The following FARS2 variants were observed in gnomAD, a reference collection of about 807,000 sequenced individuals.
FARS2 encodes phenylalanyl-tRNA synthetase 2, mitochondrial.
In FARS2, 40 loss-of-function variants were observed where a neutral mutation model predicts 46.4. That is an observed-to-expected ratio of 0.86 (90% CI 0.67 to 1.12). The LOEUF is 1.12. Ranked by LOEUF, FARS2 falls within the 50% of genes most tolerant of loss-of-function variation. The pLI is 0.00. For missense variants in FARS2, 513 were observed against 567.9 expected (o/e 0.90, Z 0.98); for synonymous variants, 234 against 214.9 (o/e 1.09, Z -0.78).
At chr6:5,589,206 C>T (rs1157499727) in intron 5 of FARS2, among the ~76,000 whole-genome samples, 2 of 152,154 alleles carry the variant, frequency 1.3e-5, no homozygotes, top group East Asian at 3.9e-4. Context: ...CTAGGTCCCC[C>T]AACCCCAGTT....
chr6:5,747,106 G>A (rs1761690561), intron 6 of FARS2, among the ~76,000 whole-genome samples: 1 of 152,158 alleles, frequency 6.6e-6, no homozygotes, highest in South Asian at 2.1e-4. Flanking sequence ...TGAGGAACAG[G>A]CAGTGGTACC....
chr6:5,556,949 G>T lies in FARS2; in HGVS notation c.1065+11609G>T, dbSNP rs556111715. ...TCATCTATCTGACTGAAGAAGTTTT[G>T]GCACTCTGTGGAATCAGAGGGATAC... On this transcript the variant is annotated intron_variant, in intron 5 of 6. Transcript: ENST00000274680. Among the ~76,000 whole-genome samples the T allele has an allele frequency of 3.4e-4, 51 of 152,020 alleles. 1 individual carries two copies. Among genetic ancestry groups the T allele is most frequent in the Non-Finnish European group, 7.1e-4 (48 of 68,032 alleles).
intron 1 of FARS2, among the ~76,000 whole-genome samples, chr6:5,331,713 A>G (rs919820153): frequency 5.9e-5 from 9 of 152,328 alleles, no homozygotes; most frequent in Admixed American, 5.2e-4. Context: ...GAATGGGACT[A>G]AAAACAATGT....
intron 2 of FARS2, among the ~76,000 whole-genome samples, chr6:5,379,421 C>G (rs2127665236): frequency 6.6e-6 from 1 of 152,262 alleles, no homozygotes; most frequent in South Asian, 2.1e-4. Context: ...AACTCCAACA[C>G]AGAACTTGGG....
chr6:5,367,693 C>G (rs73367071), intron 1 of FARS2, among the ~76,000 whole-genome samples: 8,836 of 151,910 alleles, frequency 0.058, 309 homozygotes, highest in Middle Eastern at 0.14. Context: ...TGCTCTGTCA[C>G]TCTTCCCCAA....
intron 5 of FARS2, among the ~76,000 whole-genome samples, chr6:5,600,682 C>T (rs576833933): frequency 3.3e-5 from 5 of 152,250 alleles, no homozygotes; most frequent in East Asian, 1.9e-4. Context: ...AGAACACGAT[C>T]GCATGGGCTA....
intron 6 of FARS2, among the ~76,000 whole-genome samples, chr6:5,637,679 A>C (rs1776611096): frequency 6.6e-6 from 1 of 152,202 alleles, no homozygotes; most frequent in South Asian, 2.1e-4. Context: ...AAACAGCAGA[A>C]ATTTATTTCC....
At chr6:5,761,025 G>T (rs1762451202) in intron 6 of FARS2, among the ~76,000 whole-genome samples, 1 of 152,150 alleles carries the variant, frequency 6.6e-6, no homozygotes, top group South Asian at 2.1e-4. Context: ...TTTTTGAAAT[G>T]GAAGGGGAAA....
At chr6:5,395,326 C>A (rs940584705) in intron 2 of FARS2, among the ~76,000 whole-genome samples, 1 of 152,164 alleles carries the variant, frequency 6.6e-6, no homozygotes, top group East Asian at 1.9e-4. Flanking sequence ...GCTGGGACTA[C>A]AGGTGTGAGC....
At chr6:5,355,731 G>A (rs1439055074) in intron 1 of FARS2, among the ~76,000 whole-genome samples, 1 of 151,966 alleles carries the variant, frequency 6.6e-6, no homozygotes, top group Non-Finnish European at 1.5e-5. Context: ...AGACACACAT[G>A]CACACACACG....
chr6:5,481,522 G>C (rs1244847837), intron 4 of FARS2, among the ~76,000 whole-genome samples: 1 of 152,152 alleles, frequency 6.6e-6, no homozygotes, highest in Non-Finnish European at 1.5e-5. Flanking sequence ...GGGAGAAGCT[G>C]TCTCCAGCCA....
At chr6:5,279,149 G>A (rs918576782) in intron 1 of FARS2, among the ~76,000 whole-genome samples, 1 of 152,052 alleles carries the variant, frequency 6.6e-6, no homozygotes, top group East Asian at 1.9e-4. Flanking sequence ...AGGCCTAGGC[G>A]GGCGGATCAT....
At chr6:5,318,671 G>A (rs1421508757) in intron 1 of FARS2, among the ~76,000 whole-genome samples, 4 of 152,102 alleles carry the variant, frequency 2.6e-5, no homozygotes, top group Admixed American at 2.0e-4. Flanking sequence ...GCTTAGGCTC[G>A]GTTACAGAAT....
At chr6:5,770,594 T>G (rs562418832) in intron 6 of FARS2, among the ~76,000 whole-genome samples, 36 of 152,270 alleles carry the variant, frequency 2.4e-4, no homozygotes, top group Non-Finnish European at 4.0e-4. Flanking sequence ...CCAGGGGTCT[T>G]TCTCATGAGA....
intron 1 of FARS2, among the ~76,000 whole-genome samples, chr6:5,280,683 C>T (rs1185310932): frequency 6.6e-6 from 1 of 151,736 alleles, no homozygotes; most frequent in East Asian, 1.9e-4. Context: ...TAGGCCTTCC[C>T]CAGCCATTCT....
chr6:5,654,293 A>G (rs1015549241), intron 6 of FARS2, among the ~76,000 whole-genome samples: 3 of 152,168 alleles, frequency 2.0e-5, no homozygotes, highest in Non-Finnish European at 2.9e-5. Context: ...CTCCTGGCAG[A>G]CTGTGGGGTC....
At chr6:5,644,090 C>T (rs1229151156) in intron 6 of FARS2, among the ~76,000 whole-genome samples, 1 of 152,160 alleles carries the variant, frequency 6.6e-6, no homozygotes, top group Non-Finnish European at 1.5e-5. Context: ...GGGGTGTCTT[C>T]ATTTGTCATT....
chr6:5,698,598 G>C (rs1292848536), intron 6 of FARS2, among the ~76,000 whole-genome samples: 1 of 152,184 alleles, frequency 6.6e-6, no homozygotes, highest in Non-Finnish European at 1.5e-5. Flanking sequence ...TGAGTTATTA[G>C]GATCAAGATC....
At chr6:5,770,332 T>C (rs1762970418) in intron 6 of FARS2, among the ~76,000 whole-genome samples, 1 of 152,198 alleles carries the variant, frequency 6.6e-6, no homozygotes, top group African/African-American at 2.4e-5. Flanking sequence ...GGAATCTGCC[T>C]GGGAGCCCTC....
Sources: gnomAD v4.1 joint callset for allele counts (sites outside exome capture counted in the v4.1 genomes callset) on GRCh38, gnomAD v4.1.1 for gene constraint, MANE v1.5 for transcripts, NCBI Gene and HGNC (gene_info 2026-07-23, HGNC 2026-07-21) for gene names.